GALNT17: variants seen among roughly 807,000 people sequenced by gnomAD.
The protein encoded by GALNT17 is UDP-GalNAc:polypeptide N-acetylgalactosaminyltransferase-like 3.
GALNT17 carries 29 observed loss-of-function variants against 63.7 expected under a neutral mutation model. That is an observed-to-expected ratio of 0.46 (90% CI 0.34 to 0.62). GALNT17 has a LOEUF of 0.62. Among genes scored for constraint, GALNT17 ranks in the 20% least tolerant of loss-of-function variants. GALNT17 has a pLI of 0.01. For synonymous variants in GALNT17, 305 were observed against 318.3 expected (o/e 0.96, Z 0.45); for missense variants, 603 against 799.6 (o/e 0.75, Z 2.97).
At chr7:71,147,680 G>A (rs1788048896) in intron 1 of GALNT17, among the ~76,000 whole-genome samples, 1 of 151,354 alleles carries the variant, frequency 6.6e-6, no homozygotes, top group Non-Finnish European at 1.5e-5. Context: ...CGTCCAGGCT[G>A]GAGTGCAGTG....
At position 71,675,053 on chromosome 7, in the gene GALNT17, G is replaced by A. The variant is rs369417829; in HGVS notation, c.1405-2158G>A. ...ACAAAAATTAGCTGGGTGTGGTGGC[G>A]CGTGCCTGTAATCCCAGCTACTCAG... is the stretch of plus-strand genomic sequence containing the variant. On this transcript the variant is annotated intron_variant, in intron 8 of 10. Coordinates refer to ENST00000333538, the MANE Select transcript of GALNT17 (RefSeq NM_022479.3). Among the ~76,000 whole-genome samples the A allele has an allele frequency of 2.0e-4, 30 of 152,172 alleles. No homozygotes were observed. The Middle Eastern group carries it at 0.01, about 52-fold the overall frequency.
intron 1 of GALNT17, among the ~76,000 whole-genome samples, chr7:71,253,329 A>T (rs1790234071): frequency 6.6e-6 from 1 of 152,114 alleles, no homozygotes; most frequent in Non-Finnish European, 1.5e-5. Flanking sequence ...TAGAAGGGGA[A>T]ACCCCTTATA....
intron 5 of GALNT17, among the ~76,000 whole-genome samples, chr7:71,435,601 G>A (rs535929004): frequency 1.4e-4 from 22 of 152,020 alleles, no homozygotes; most frequent in South Asian, 1.0e-3. Context: ...TCTGATCTTC[G>A]GGCCCCCACC....
chr7:71,488,184 A>AAC (rs1787944493), intron 5 of GALNT17, among the ~76,000 whole-genome samples: 2 of 151,440 alleles, frequency 1.3e-5, no homozygotes, highest in Admixed American at 6.6e-5. Flanking sequence ...AAAAAAAAAA[A>AAC]AAAAACAGCC....
chr7:71,468,186 C>T (rs1488701694), intron 5 of GALNT17, among the ~76,000 whole-genome samples: 4 of 152,030 alleles, frequency 2.6e-5, no homozygotes, highest in Non-Finnish European at 5.9e-5. Context: ...CACCACCACA[C>T]CTGGCTAGTT....
chr7:71,403,754 TTA>T (rs1793280278), intron 3 of GALNT17, among the ~76,000 whole-genome samples: 1 of 152,150 alleles, frequency 6.6e-6, no homozygotes, highest in Non-Finnish European at 1.5e-5. Flanking sequence ...CCAAACGCGT[TTA>T]AAGAAAACTC....
At chr7:71,634,192 T>G (rs1455464604) in intron 6 of GALNT17, among the ~76,000 whole-genome samples, 1 of 152,090 alleles carries the variant, frequency 6.6e-6, no homozygotes, top group Non-Finnish European at 1.5e-5. Context: ...CATGTGCAAT[T>G]GGTAGAATTT....
intron 9 of GALNT17, among the ~76,000 whole-genome samples, chr7:71,684,959 C>T (rs1791329906): frequency 7.7e-6 from 1 of 129,934 alleles, no homozygotes; most frequent in Admixed American, 9.0e-5. Context: ...GCCACCTTGC[C>T]TGGCACCACC....
At position 71,529,803 on chromosome 7, in the gene GALNT17, AT is replaced by A; in HGVS notation, c.963-41481del. 1.3e-5 allele frequency among the ~76,000 whole-genome samples: 2 copies of A among 152,242 alleles called. 1 individual carries two copies. The highest frequency in any genetic ancestry group is 6.3e-3 in the Middle Eastern group (2 of 316). ...CTGTTACTGCACAACTAGGTAATTA[AT>A]AACCTGTGAATTTTAGTTATGTTTA... On this transcript the variant is annotated intron_variant, in intron 5 of 10. Transcript: ENST00000333538.
chr7:71,242,286 T>TA (rs71089928), intron 1 of GALNT17, among the ~76,000 whole-genome samples: 1 of 132,288 alleles, frequency 7.6e-6, no homozygotes, highest in Non-Finnish European at 1.6e-5. Context: ...TTTTTTTTTT[T>TA]TGAGACAGAG....
At chr7:71,494,137 A>C (rs868538331) in intron 5 of GALNT17, among the ~76,000 whole-genome samples, 6 of 151,938 alleles carry the variant, frequency 3.9e-5, no homozygotes, top group South Asian at 2.1e-4. Context: ...AAGGGGAAGC[A>C]AACTTGGGAC....
intron 5 of GALNT17, among the ~76,000 whole-genome samples, chr7:71,556,560 A>AT: frequency 6.6e-6 from 1 of 151,818 alleles, no homozygotes; most frequent in South Asian, 2.1e-4. Flanking sequence ...CATCTTTTTT[A>AT]TTTTTTTATT....
chr7:71,466,999 A>C (rs755283983), intron 5 of GALNT17, among the ~76,000 whole-genome samples: 1 of 151,976 alleles, frequency 6.6e-6, no homozygotes. Flanking sequence ...ATGGCCCTTA[A>C]CCTGGGCAAA....
intron 1 of GALNT17, among the ~76,000 whole-genome samples, chr7:71,292,031 A>T (rs1790988463): frequency 6.6e-6 from 1 of 152,200 alleles, no homozygotes; most frequent in South Asian, 2.1e-4. Context: ...TTCTGGGAAC[A>T]TGTAACTCTG....
chr7:71,711,142 T>C (rs561213598), intron 10 of GALNT17, among the ~76,000 whole-genome samples: 1 of 152,278 alleles, frequency 6.6e-6, no homozygotes, highest in South Asian at 2.1e-4. Context: ...ATGTCAGTGC[T>C]AGGCTGGTTG....
intron 1 of GALNT17, among the ~76,000 whole-genome samples, chr7:71,208,449 CTTTT>C (rs11341410): frequency 7.9e-5 from 9 of 113,452 alleles, no homozygotes; most frequent in Admixed American, 1.9e-4. Flanking sequence ...TTAATAAATG[CTTTT>C]TTTTTTTTTT....
At position 71,677,317 on chromosome 7, in the gene GALNT17, GTC is replaced by G. The variant is rs1262250431; in HGVS notation, c.1500+15_1500+16del. On this transcript the variant is annotated intron_variant, in intron 9 of 10. Transcript: ENST00000333538. ...GGCTGGGGACCACAGGTAGGAGCTC[GTC>G]TCTGACCAGGAAGGAAGTAATATCA... is the stretch of plus-strand genomic sequence containing the variant. 16 of 1,611,956 alleles carry G rather than the reference GTC, an allele frequency of 9.9e-6. No individual in the cohort carries two copies. Among genetic ancestry groups the G allele is most frequent in the African/African-American group, 1.3e-5 (1 of 74,874 alleles).
intron 1 of GALNT17, among the ~76,000 whole-genome samples, chr7:71,198,705 G>C (rs1376772527): frequency 6.6e-6 from 1 of 152,230 alleles, no homozygotes; most frequent in Non-Finnish European, 1.5e-5. Flanking sequence ...GGTTTCTGCA[G>C]GTGGTGTGGC....
chr7:71,471,425 C>CAAAA (rs1563117723), intron 5 of GALNT17, among the ~76,000 whole-genome samples: 3 of 127,670 alleles, frequency 2.3e-5, no homozygotes, highest in African/African-American at 3.0e-5. Flanking sequence ...CAAAAAAAAC[C>CAAAA]AAAAACCATA....
Sources: gnomAD v4.1 joint callset for allele counts (sites outside exome capture counted in the v4.1 genomes callset) on GRCh38, gnomAD v4.1.1 for gene constraint, MANE v1.5 for transcripts, NCBI Gene and HGNC (gene_info 2026-07-23, HGNC 2026-07-21) for gene names.